The following MAD1L1 variants were observed in gnomAD, a reference collection of about 807,000 sequenced individuals.
MAD1L1 encodes mitotic arrest deficient 1 like 1.
A neutral mutation model predicts 96.9 loss-of-function variants in MAD1L1; 95 were observed. The ratio of observed to expected loss-of-function variants is 0.98; its 90% CI spans 0.83 to 1.16. MAD1L1 has a LOEUF of 1.16. MAD1L1 is among the 50% of genes most tolerant of loss of function. MAD1L1 has a pLI of 0.00. For synonymous variants in MAD1L1, 473 were observed against 396.6 expected, an observed-to-expected ratio of 1.19 and a Z score of -2.29; for missense variants, 1,007 against 954.4, an observed-to-expected ratio of 1.06 and a Z score of -0.73.
chr7:1,855,031 G>A (rs1450687443), intron 18 of MAD1L1, among the ~76,000 whole-genome samples: 2 of 152,194 alleles, frequency 1.3e-5, no homozygotes, highest in African/African-American at 4.8e-5. Context: ...CGTGGGCTGC[G>A]GTCCCCTCTG....
chr7:2,139,980 A>C (rs1313536178), intron 11 of MAD1L1, among the ~76,000 whole-genome samples: 1 of 149,542 alleles, frequency 6.7e-6, no homozygotes, highest in Non-Finnish European at 1.5e-5. Context: ...ATGGTCTACT[A>C]TCTGGACCCC....
intron 14 of MAD1L1, among the ~76,000 whole-genome samples, chr7:1,994,971 C>T (rs940494654): frequency 1.3e-5 from 2 of 152,226 alleles, no homozygotes; most frequent in African/African-American, 4.8e-5. Flanking sequence ...TAAGCCACCA[C>T]GCCCGGCCAA....
intron 13 of MAD1L1, among the ~76,000 whole-genome samples, chr7:2,010,645 G>A (rs537779802): frequency 6.6e-5 from 10 of 152,332 alleles, no homozygotes; most frequent in South Asian, 4.1e-4. Flanking sequence ...TTCCTGCAAC[G>A]TCTCTGCTAG....
chr7:2,071,232 G>A (rs546160366), intron 11 of MAD1L1, among the ~76,000 whole-genome samples: 4 of 152,320 alleles, frequency 2.6e-5, no homozygotes, highest in Non-Finnish European at 5.9e-5. Flanking sequence ...TTGAAATAAA[G>A]GATAAGTTGA....
chr7:2,096,240 G>A (rs756904850), intron 11 of MAD1L1, among the ~76,000 whole-genome samples: 12 of 152,176 alleles, frequency 7.9e-5, no homozygotes, highest in Non-Finnish European at 1.0e-4. Flanking sequence ...CGTCCTCGTC[G>A]GACACAAGGG....
intron 17 of MAD1L1, among the ~76,000 whole-genome samples, chr7:1,913,825 C>T (rs1037341780): frequency 2.0e-5 from 3 of 152,108 alleles, no homozygotes; most frequent in Non-Finnish European, 4.4e-5. Flanking sequence ...TGGCTGCCTC[C>T]GCCATACAGA....
At chr7:2,096,807 C>T (rs1033769246) in intron 11 of MAD1L1, among the ~76,000 whole-genome samples, 1 of 152,148 alleles carries the variant, frequency 6.6e-6, no homozygotes, top group African/African-American at 2.4e-5. Context: ...CCCCGCCCAG[C>T]AGAGGCTGGG....
In MAD1L1 at chr7:1,899,549, G is replaced by A. The variant is rs193248040; in HGVS notation, c.1808-1159C>T. ...GCTCCCTGGCTAGGCTGAGAAAGAG[G>A]ATGTTAAAGTCAACCATGGCCATAT... On this transcript the variant is annotated intron_variant, in intron 17 of 18. Transcript: ENST00000265854. 9.6e-3 allele frequency among the ~76,000 whole-genome samples: 1,467 copies of A among 152,362 alleles called. 14 individuals are homozygous for A. The highest frequency in any genetic ancestry group is 0.017 in the Non-Finnish European group (1,136 of 68,026).
intron 10 of MAD1L1, among the ~76,000 whole-genome samples, chr7:2,174,552 G>C (rs34853711): frequency 0.25 from 38,379 of 152,022 alleles, 5,374 homozygotes; most frequent in Middle Eastern, 0.36. Context: ...GTTGAATGTG[G>C]TCCACAGAAC....
Position 2,058,713 on chromosome 7 carries a change from G to C in MAD1L1, c.1218+10481C>G, listed in dbSNP as rs181350249. On this transcript the variant is annotated intron_variant, in intron 12 of 18. Coordinates refer to ENST00000265854, the MANE Select transcript of MAD1L1 (RefSeq NM_001013836.2). ...GGAGAGGGAGTGTGGCCAGGGGAGAGGAGAGGCGCAGGGCTGGAGAGGGAG... is the reference window on the plus strand; with the variant it reads ...GGAGAGGGAGTGTGGCCAGGGGAGACGAGAGGCGCAGGGCTGGAGAGGGAG... 7.6e-4 allele frequency among the ~76,000 whole-genome samples: 97 copies of C among 126,932 alleles called. 1 individual carries two copies. Among genetic ancestry groups the C allele is most frequent in the African/African-American group, 2.7e-3 (90 of 33,082 alleles). 83.3% of individuals were successfully genotyped at this position (126,932 alleles called of 152,430 possible). A position where few individuals can be genotyped will look rare whatever the true frequency, so the allele number is the denominator to read the frequency against.
At chr7:1,847,538 C>G (rs747776322) in intron 18 of MAD1L1, 91 of 471,144 alleles carry the variant, frequency 1.9e-4, no homozygotes, top group African/African-American at 1.7e-3. Flanking sequence ...AGAGACCAGA[C>G]CAGTCCTGGC....
chr7:2,024,034 C>A (rs1403785692), intron 12 of MAD1L1, among the ~76,000 whole-genome samples: 1 of 150,324 alleles, frequency 6.7e-6, no homozygotes, highest in Admixed American at 6.6e-5. Flanking sequence ...AACAGGAACT[C>A]CATAGAGAAA....
rs1021243821 is a variant in MAD1L1, at chr7:2,074,007, C to A, written c.1074-4669G>T. On this transcript the variant is annotated intron_variant, in intron 11 of 18. Transcript: ENST00000265854. ...AGAACTAGACTGTAAAAATCCAACA[C>A]CAAGACGTGACAAGGAGACGACACT... Among the ~76,000 whole-genome samples, 15 of 152,160 alleles carry A rather than the reference C, an allele frequency of 9.9e-5. 2 individuals are homozygous for A. The highest frequency in any genetic ancestry group is 9.2e-4 in the Admixed American group (14 of 15,276).
chr7:2,032,223 C>T (rs1395627439), intron 12 of MAD1L1, among the ~76,000 whole-genome samples: 3 of 152,214 alleles, frequency 2.0e-5, no homozygotes, highest in East Asian at 1.9e-4. Flanking sequence ...AAAAAATGAA[C>T]GAGTGAAACC....
chr7:2,038,620 C>G (rs1460186402), intron 12 of MAD1L1, among the ~76,000 whole-genome samples: 1 of 145,466 alleles, frequency 6.9e-6, no homozygotes, highest in Non-Finnish European at 1.5e-5. Context: ...TCAAGCAATT[C>G]TCCTGCCTCA....
At chr7:2,105,959 C>T (rs1787068407) in intron 11 of MAD1L1, among the ~76,000 whole-genome samples, 1 of 152,068 alleles carries the variant, frequency 6.6e-6, no homozygotes, top group African/African-American at 2.4e-5. Flanking sequence ...CAAAGGGCAC[C>T]AACACCTCAG....
chr7:2,074,586 G>A lies in MAD1L1; in HGVS notation c.1074-5248C>T, dbSNP rs550135423. On this transcript the variant is annotated intron_variant, in intron 11 of 18. Transcript: ENST00000265854. ...GCAGGCTGGCAGGCTGCTGGGAGGG[G>A]GCAAGGCCAGCGGCTAAAGAGCTGC... 2.6e-4 allele frequency among the ~76,000 whole-genome samples: 40 copies of A among 152,368 alleles called. 1 individual carries two copies. In the South Asian group the frequency reaches 7.9e-3, roughly 30 times the overall value.
At position 2,060,093 on chromosome 7, in the gene MAD1L1, T is replaced by C. The variant is rs964831423; in HGVS notation, c.1218+9101A>G. Among the ~76,000 whole-genome samples the C allele has an allele frequency of 2.0e-4, 26 of 127,608 alleles. 1 individual carries two copies. Among genetic ancestry groups the C allele is most frequent in the African/African-American group, 7.3e-4 (24 of 33,086 alleles). The allele number at this position is 127,608 out of a possible 152,430, so 83.7% of individuals were successfully genotyped here. ...AAGATACGCTGATGCCAAGATACGCTGATGCCGAGATACGCCGAAGCCAAG... is the reference window on the plus strand; with the variant it reads ...AAGATACGCTGATGCCAAGATACGCCGATGCCGAGATACGCCGAAGCCAAG... On this transcript the variant is annotated intron_variant, in intron 12 of 18. Coordinates refer to ENST00000265854, the MANE Select transcript of MAD1L1 (RefSeq NM_001013836.2).
chr7:1,856,757 C>T (rs1439644382), intron 18 of MAD1L1, among the ~76,000 whole-genome samples: 6 of 152,176 alleles, frequency 3.9e-5, no homozygotes, highest in Admixed American at 6.5e-5. Flanking sequence ...ACGCGCACCC[C>T]GCGTGCCTCC....
Sources: allele counts gnomAD v4.1 joint callset (sites outside exome capture counted in the v4.1 genomes callset), GRCh38; gene constraint gnomAD v4.1.1; transcripts MANE v1.5; gene names NCBI Gene and HGNC (gene_info 2026-07-23, HGNC 2026-07-21).